COL24A1: variants seen among roughly 807,000 people sequenced by gnomAD.
COL24A1 encodes the protein collagen alpha-1(XXIV) chain.
Under a neutral mutation model 253.9 loss-of-function variants are expected in COL24A1, and 224 were observed. The ratio of observed to expected loss-of-function variants is 0.88; its 90% CI spans 0.79 to 0.99. The LOEUF is 0.99. Ranked by LOEUF, COL24A1 falls within the 50% of genes least tolerant of loss-of-function variation. The probability of loss-of-function intolerance (pLI) is 0.00; values close to 1 mark genes in which losing one functional copy is unlikely to be tolerated. For synonymous variants in COL24A1, 685 were observed against 673.7 expected (o/e 1.02, Z -0.26); for missense variants, 2,131 against 2,068.5 (o/e 1.03, Z -0.59).
chr1:85,837,622 T>G (rs1011673754), intron 43 of COL24A1, among the ~76,000 whole-genome samples: 1 of 152,112 alleles, frequency 6.6e-6, no homozygotes, highest in African/African-American at 2.4e-5. Flanking sequence ...TAAAAATAAT[T>G]AGCAAAATTA....
chr1:86,047,606 A>T (rs1700001639), intron 11 of COL24A1, among the ~76,000 whole-genome samples: 1 of 152,130 alleles, frequency 6.6e-6, no homozygotes, highest in South Asian at 2.1e-4. Flanking sequence ...ATTCATGTAT[A>T]TATACACACA....
chr1:85,907,089 T>C, intron 28 of COL24A1, 105 bp downstream of exon 28: 3 of 844,700 alleles, frequency 3.6e-6, no homozygotes, highest in Non-Finnish European at 5.7e-6. Flanking sequence ...TGACAAGATC[T>C]AAGCAGAATT....
rs1431681546 is a variant in COL24A1 at position 86,049,532 on chromosome 1, A to C, written c.1905+592T>G. Among the ~76,000 whole-genome samples the C allele has an allele frequency of 5.9e-5, 9 of 152,318 alleles. No individual in the cohort carries two copies. The South Asian group carries it at 1.9e-3, about 32-fold the overall frequency. ...TTTTCAATTAATACTGGCAATGTAA[A>C]TGAAGGAATACAAAGATAAATTACT... On this transcript the variant is annotated intron_variant, in intron 11 of 59. Transcript: ENST00000370571.
In COL24A1 at chr1:86,146,129, T is replaced by C. The variant is rs191835956; in HGVS notation, c.111A>G (p.Ala37=). The C allele has an allele frequency of 1.3e-5, 21 of 1,611,024 alleles. No homozygotes were observed. The South Asian group carries it at 1.3e-4, about 10-fold the overall frequency. The change falls in exon 2 of 60, where the codon GCA becomes GCG. Residue 37 remains alanine, a synonymous_variant. Coordinates refer to ENST00000370571, the MANE Select transcript of COL24A1 (RefSeq NM_152890.7). ...AGGTAATTTTCTTACCTTGTTCTTGTGCATGAACAACCACCCCAGCCACAC... is the reference window on the plus strand; with the variant it reads ...AGGTAATTTTCTTACCTTGTTCTTGCGCATGAACAACCACCCCAGCCACAC... ...VLCVAGVVVH[A]QEQGIDILHQ...
intron 5 of COL24A1, among the ~76,000 whole-genome samples, chr1:86,111,202 T>A (rs1705557994): frequency 6.6e-6 from 1 of 151,162 alleles, no homozygotes; most frequent in African/African-American, 2.4e-5. Context: ...GCACTCTGTG[T>A]CTAGCTCGGG....
At chr1:86,148,668 A>T (rs1341525352) in intron 1 of COL24A1, among the ~76,000 whole-genome samples, 2 of 152,262 alleles carry the variant, frequency 1.3e-5, no homozygotes, top group African/African-American at 4.8e-5. Flanking sequence ...GTCCCTACAA[A>T]GGACATGAAC....
At chr1:85,823,995 C>G (rs958224102) in intron 43 of COL24A1, among the ~76,000 whole-genome samples, 1 of 151,858 alleles carries the variant, frequency 6.6e-6, no homozygotes, top group East Asian at 1.9e-4. Context: ...GAATGGTGGC[C>G]TCCCAAATGT....
intron 24 of COL24A1, among the ~76,000 whole-genome samples, chr1:85,924,321 G>A (rs532323000): frequency 1.8e-4 from 27 of 152,306 alleles, no homozygotes; most frequent in Non-Finnish European, 3.5e-4. Context: ...CTTATTTTAT[G>A]AGGCCAGCAT....
intron 35 of COL24A1, among the ~76,000 whole-genome samples, chr1:85,872,904 C>G (rs904316835): frequency 4.6e-5 from 7 of 152,134 alleles, no homozygotes; most frequent in Non-Finnish European, 1.0e-4. Context: ...AACAGGCAAC[C>G]TACAGAATGG....
intron 43 of COL24A1, among the ~76,000 whole-genome samples, chr1:85,834,185 T>G (rs1675724349): frequency 2.0e-5 from 3 of 151,162 alleles, no homozygotes; most frequent in Admixed American, 2.0e-4. Context: ...TAGGACAAAG[T>G]AACTAGATTC....
intron 14 of COL24A1, among the ~76,000 whole-genome samples, chr1:86,028,522 T>A (rs1468575140): frequency 6.6e-6 from 1 of 152,210 alleles, no homozygotes; most frequent in African/African-American, 2.4e-5. Context: ...AGAAGGCACC[T>A]GCTTTTCCTT....
intron 20 of COL24A1, among the ~76,000 whole-genome samples, chr1:85,976,722 A>G (rs749112966): frequency 1.3e-5 from 2 of 151,992 alleles, no homozygotes; most frequent in Non-Finnish European, 2.9e-5. Flanking sequence ...AGGCCAACCA[A>G]CTCAGGATAT....
chr1:85,812,842 CT>C (rs1434106042), intron 47 of COL24A1, among the ~76,000 whole-genome samples: 3 of 152,148 alleles, frequency 2.0e-5, no homozygotes, highest in Non-Finnish European at 4.4e-5. Flanking sequence ...ATGGACTTTT[CT>C]TCACCAAGGT....
intron 22 of COL24A1, among the ~76,000 whole-genome samples, chr1:85,966,675 G>T (rs563846409): frequency 2.0e-5 from 3 of 152,020 alleles, no homozygotes; most frequent in African/African-American, 2.4e-5. Context: ...GTCAAATTCT[G>T]AAAAATAGAA....
chr1:85,842,107 T>C lies in COL24A1; in HGVS notation c.3531A>G (p.Gln1177=). ...GTCCTGGCAATCCAGAGGGTCCTGG[T>C]TGGCCCTGATGGCCCTACGAAAGGA... The part of the protein sequence containing the change: ...GIPGYRGHQG[Q]PGPSGLPGPK... Residue 1177 remains glutamine, a synonymous_variant, in exon 41 of 60, where the codon CAA becomes CAG. Transcript: ENST00000370571. The C allele has an allele frequency of 6.2e-7, 1 of 1,613,836 alleles. No homozygotes were observed. Among genetic ancestry groups the C allele is most frequent in the Non-Finnish European group, 8.5e-7 (1 of 1,179,778 alleles).
At chr1:85,779,977 T>G (rs1338463146) in intron 52 of COL24A1, among the ~76,000 whole-genome samples, 3 of 152,192 alleles carry the variant, frequency 2.0e-5, no homozygotes, top group Non-Finnish European at 4.4e-5. Context: ...AATTAAGTAA[T>G]TTTAAAATTA....
chr1:85,908,097 A>C (rs1031552923), intron 27 of COL24A1, among the ~76,000 whole-genome samples: 1 of 151,956 alleles, frequency 6.6e-6, no homozygotes, highest in Admixed American at 6.6e-5. Flanking sequence ...TTTTAAGTTC[A>C]TAATAGCTGT....
At chr1:85,916,138 C>T (rs1285582911) in intron 24 of COL24A1, among the ~76,000 whole-genome samples, 1 of 152,108 alleles carries the variant, frequency 6.6e-6, no homozygotes, top group Non-Finnish European at 1.5e-5. Flanking sequence ...TTCAGATGAC[C>T]TAGCAAATGT....
intron 10 of COL24A1, among the ~76,000 whole-genome samples, chr1:86,053,433 T>C (rs974759897): frequency 1.3e-5 from 2 of 152,078 alleles, no homozygotes; most frequent in African/African-American, 4.8e-5. Context: ...GGTTTCTTGA[T>C]CATCATTACA....
Sources: allele counts gnomAD v4.1 joint callset (sites outside exome capture counted in the v4.1 genomes callset), GRCh38; gene constraint gnomAD v4.1.1; transcripts MANE v1.5; gene names NCBI Gene and HGNC (gene_info 2026-07-23, HGNC 2026-07-21).